Variants in RYR2 observed in about 807,000 individuals in gnomAD.
The protein encoded by RYR2 is ryanodine receptor 2, also known as cardiac muscle ryanodine receptor-calcium release channel.
RYR2 carries 227 observed loss-of-function variants against 601.1 expected under a neutral mutation model. The ratio of observed to expected loss-of-function variants is 0.38; its 90% CI spans 0.34 to 0.42. RYR2 has a LOEUF of 0.42. Among genes scored for constraint, RYR2 ranks in the 10% least tolerant of loss-of-function variants. The probability of loss-of-function intolerance (pLI) is 1.00; values close to 1 mark genes in which losing one functional copy is unlikely to be tolerated. For synonymous variants in RYR2, 2,223 were observed against 2,175.1 expected (o/e 1.02, Z -0.61); for missense variants, 4,646 against 6,156.5 (o/e 0.75, Z 8.21).
intron 19 of RYR2, 29 bp from the exon 20 acceptor site, chr1:237,496,482 C>G (rs566895964): frequency 1.2e-6 from 2 of 1,602,930 alleles, no homozygotes; most frequent in African/African-American, 2.7e-5. Context: ...TTTGGACTTT[C>G]CTTACATGTG....
At chr1:237,682,729 G>A (rs1442923849) in intron 62 of RYR2, among the ~76,000 whole-genome samples, 2 of 152,088 alleles carry the variant, frequency 1.3e-5, no homozygotes, top group African/African-American at 4.8e-5. Flanking sequence ...TTCATCTTCA[G>A]TTTTTCTTCT....
At chr1:237,483,505 C>G (rs1465198912) in intron 17 of RYR2, among the ~76,000 whole-genome samples, 1 of 152,134 alleles carries the variant, frequency 6.6e-6, no homozygotes, top group African/African-American at 2.4e-5. Context: ...CTAGGCACAT[C>G]GGCTTACATC....
chr1:237,326,328 G>A (rs1458969302), intron 2 of RYR2, among the ~76,000 whole-genome samples: 3 of 151,940 alleles, frequency 2.0e-5, no homozygotes, highest in African/African-American at 7.2e-5. Flanking sequence ...CTTAAAGTCT[G>A]TTACCTTTCC....
chr1:237,058,799 C>CG lies in RYR2; in HGVS notation c.48+16236dup, dbSNP rs201016151. On this transcript the variant is annotated intron_variant, in intron 1 of 104. Transcript: ENST00000366574. ...TAGAGATGCTGGTCTGGAGAAGGGG[C>CG]GGGGGGCCGGGGGGCGGGGTGTTCA... Among the ~76,000 whole-genome samples, 28 of 15,734 alleles carry CG rather than the reference C, an allele frequency of 1.8e-3. No individual in the cohort carries two copies. In the South Asian group the frequency reaches 0.024, roughly 13 times the overall value. The allele number at this position is 15,734 out of a possible 152,430, so 10.3% of individuals were successfully genotyped here.
At chr1:237,419,725 C>A (rs1009918726) in intron 11 of RYR2, among the ~76,000 whole-genome samples, 2 of 152,268 alleles carry the variant, frequency 1.3e-5, no homozygotes, top group Non-Finnish European at 2.9e-5. Context: ...GTAGGAGATT[C>A]ATATGTACGG....
At chr1:237,044,931 A>G (rs1486894408) in intron 1 of RYR2, among the ~76,000 whole-genome samples, 2 of 149,630 alleles carry the variant, frequency 1.3e-5, no homozygotes, top group African/African-American at 2.5e-5. Flanking sequence ...AAGCTTGTCA[A>G]TATGAGTTAT....
chr1:237,348,000 A>G (rs1399060961), intron 3 of RYR2, among the ~76,000 whole-genome samples: 2 of 152,188 alleles, frequency 1.3e-5, no homozygotes, highest in Non-Finnish European at 2.9e-5. Flanking sequence ...TCATTTGGGC[A>G]GAGATTAAGG....
At chr1:237,177,479 A>AT (rs1678185272) in intron 1 of RYR2, among the ~76,000 whole-genome samples, 1 of 152,108 alleles carries the variant, frequency 6.6e-6, no homozygotes, top group African/African-American at 2.4e-5. Context: ...TTGCTTTCCT[A>AT]TTTTTTAAAA....
rs181021862 is a variant in RYR2, at chr1:237,232,453, T to A, written c.49-38044T>A. Reference sequence around the variant, plus strand: ...AAGGGTGACATACCTGAGTATCAGATGGTACCTCCTTGTACCTTCCCTCAT... The same window carrying A: ...AAGGGTGACATACCTGAGTATCAGAAGGTACCTCCTTGTACCTTCCCTCAT... On this transcript the variant is annotated intron_variant, in intron 1 of 104. Transcript: ENST00000366574. 5.9e-5 allele frequency among the ~76,000 whole-genome samples: 9 copies of A among 152,356 alleles called. No homozygotes were observed. The East Asian group carries it at 1.5e-3, about 26-fold the overall frequency.
intron 1 of RYR2, among the ~76,000 whole-genome samples, chr1:237,132,938 GT>G (rs113465682): frequency 0.033 from 5,029 of 152,188 alleles, 166 homozygotes; most frequent in South Asian, 0.15. Context: ...GTAGAGTTGG[GT>G]TTTTTACCAA....
chr1:237,349,789 A>G (rs972106023), intron 3 of RYR2, among the ~76,000 whole-genome samples: 4 of 152,122 alleles, frequency 2.6e-5, no homozygotes, highest in African/African-American at 4.8e-5. Context: ...ATAACCAACA[A>G]CTTTCCAGAG....
chr1:237,230,927 C>CAA (rs34596432), intron 1 of RYR2, among the ~76,000 whole-genome samples: 2 of 105,880 alleles, frequency 1.9e-5, no homozygotes, highest in Non-Finnish European at 3.7e-5. Context: ...AGACTCGTCT[C>CAA]AAAAAAAAAA....
At chr1:237,473,590 T>C (rs1013561935) in intron 17 of RYR2, among the ~76,000 whole-genome samples, 1 of 152,134 alleles carries the variant, frequency 6.6e-6, no homozygotes, top group Admixed American at 6.5e-5. Flanking sequence ...TTTATCAACA[T>C]GGTGTTCAGC....
At chr1:237,421,990 GTTT>G (rs922861295) in intron 11 of RYR2, among the ~76,000 whole-genome samples, 3 of 151,836 alleles carry the variant, frequency 2.0e-5, no homozygotes, top group African/African-American at 7.3e-5. Flanking sequence ...CTACTCATTC[GTTT>G]TTAGTTTTCT....
chr1:237,664,331 T>A (rs1043658385), intron 56 of RYR2, among the ~76,000 whole-genome samples: 4 of 152,142 alleles, frequency 2.6e-5, no homozygotes, highest in African/African-American at 9.7e-5. Flanking sequence ...TTCAAATAGA[T>A]CAGTGATGAA....
intron 1 of RYR2, among the ~76,000 whole-genome samples, chr1:237,182,978 G>C (rs749082810): frequency 7.2e-5 from 11 of 152,094 alleles, no homozygotes; most frequent in Non-Finnish European, 1.2e-4. Context: ...CCATTTATCT[G>C]GTGAAACAGC....
chr1:237,369,377 A>G, intron 5 of RYR2, 157 bp from the exon 6 acceptor site: 1 of 699,956 alleles, frequency 1.4e-6, no homozygotes, highest in Non-Finnish European at 2.6e-6. Context: ...TCCAATGTAT[A>G]CATTATTTCA....
At chr1:237,526,343 C>CT (rs1248083834) in intron 24 of RYR2, among the ~76,000 whole-genome samples, 8 of 145,916 alleles carry the variant, frequency 5.5e-5, no homozygotes, top group African/African-American at 1.5e-4. Flanking sequence ...TTTTTTCTTT[C>CT]TTTTCTTTTC....
At chr1:237,670,045 C>G (rs1194290905) in intron 58 of RYR2, among the ~76,000 whole-genome samples, 5 of 152,272 alleles carry the variant, frequency 3.3e-5, no homozygotes, top group East Asian at 1.9e-4. Flanking sequence ...CTGGCACCTC[C>G]AGAGGCCGAG....
Sources: allele counts gnomAD v4.1 joint callset (sites outside exome capture counted in the v4.1 genomes callset), GRCh38; gene constraint gnomAD v4.1.1; transcripts MANE v1.5; gene names NCBI Gene and HGNC (gene_info 2026-07-23, HGNC 2026-07-21).